Variants in WDR91 observed in about 807,000 individuals in gnomAD.
The protein encoded by WDR91 is WD repeat domain 91, also known as WD repeat-containing protein 91.
WDR91 carries 52 observed loss-of-function variants against 88.4 expected under a neutral mutation model. That is an observed-to-expected ratio of 0.59 (90% CI 0.47 to 0.74). The LOEUF is 0.74. WDR91 is among the 30% of genes least tolerant of loss of function. WDR91 has a pLI of 0.00. For synonymous variants in WDR91, 362 were observed against 389.5 expected (o/e 0.93, Z 0.83); for missense variants, 824 against 954.5 (o/e 0.86, Z 1.80).
intron 13 of WDR91, among the ~76,000 whole-genome samples, chr7:135,187,733 A>T (rs976319727): frequency 1.3e-5 from 2 of 152,236 alleles, no homozygotes; most frequent in African/African-American, 4.8e-5. Flanking sequence ...CCCTACGGAC[A>T]GGATACTTGG....
At chr7:135,204,073 A>G (rs753693762) in intron 6 of WDR91, among the ~76,000 whole-genome samples, 195 bp downstream of exon 6, 13 of 152,242 alleles carry the variant, frequency 8.5e-5, no homozygotes, top group Non-Finnish European at 1.5e-4. Flanking sequence ...CTGCAGAACC[A>G]TCACTTTCTG....
chr7:135,189,258 A>C, intron 12 of WDR91, 86 bp downstream of exon 12: 1 of 1,196,490 alleles, frequency 8.4e-7, no homozygotes, highest in Non-Finnish European at 1.2e-6. Flanking sequence ...CCTCTAGCCC[A>C]GCTGGCAAAA....
At position 135,211,493 on chromosome 7, in the gene WDR91, C is replaced by G. The variant is rs1410414714; in HGVS notation, c.10G>C (p.Ala4Pro). 1 of 1,611,208 alleles carries G rather than the reference C, an allele frequency of 6.2e-7. No homozygotes were observed. The highest frequency in any genetic ancestry group is 2.2e-5 in the East Asian group (1 of 44,724). Residue 4 changes from alanine (A) to proline (P), a missense_variant, in exon 1 of 15, where the codon GCC becomes CCC. Ala to Pro is a conservative substitution (Grantham distance 27). Coordinates refer to ENST00000354475, the MANE Select transcript of WDR91 (RefSeq NM_014149.4). ...ACCAGCTCGTCAGTGCGCTCCACGGCCTCCGCCATCGCAGCGCTAGCGTCT... is the reference window on the plus strand; with the variant it reads ...ACCAGCTCGTCAGTGCGCTCCACGGGCTCCGCCATCGCAGCGCTAGCGTCT... MAE[A>P]VERTDELVRE...
In WDR91 at chr7:135,196,257, C is replaced by G; in HGVS notation, c.1131G>C (p.Leu377=). 6.2e-7 allele frequency: 1 copy of G among 1,611,908 alleles called. No homozygotes were observed. The highest frequency in any genetic ancestry group is 8.5e-7 in the Non-Finnish European group (1 of 1,179,008). ...PELHTEPVEP[L]TRASSAGPEG... ...CAGGGCCTGCCGAGGATGCCCGAGT[C>G]AGTGGCTCCACTGGCTCCGTGTGGA... The change falls in exon 8 of 15, where the codon CTG becomes CTC. Residue 377 remains leucine (L), a synonymous_variant. Coordinates refer to ENST00000354475, the MANE Select transcript of WDR91 (RefSeq NM_014149.4). This position sits in a 1 kb window ranked among gnomAD's most constrained non-coding sequence, Gnocchi z 4.2.
At position 135,211,507 on chromosome 7, in the gene WDR91, G is replaced by A. The variant is rs202081394; in HGVS notation, c.-5C>T. ...GCGCTCCACGGCCTCCGCCATCGCA[G>A]CGCTAGCGTCTTTAGGGGTGGTGCG... On this transcript the variant is annotated 5_prime_UTR_variant, in exon 1 of 15. Transcript: ENST00000354475. 771 of 1,611,098 alleles carry A rather than the reference G, an allele frequency of 4.8e-4. 2 individuals are homozygous for A. The highest frequency in any genetic ancestry group is 6.3e-4 in the Non-Finnish European group (740 of 1,178,920).
Position 135,186,141 on chromosome 7 carries a change from G to C in WDR91, c.*10C>G, listed in dbSNP as rs1245495200. 1 of 1,580,712 alleles carries C rather than the reference G, an allele frequency of 6.3e-7. No individual in the cohort carries two copies. The highest frequency in any genetic ancestry group is 1.4e-5 in the African/African-American group (1 of 72,570). On this transcript the variant is annotated 3_prime_UTR_variant, in exon 15 of 15. Coordinates refer to ENST00000354475, the MANE Select transcript of WDR91 (RefSeq NM_014149.4). ...ATACTGCTTCCTCGGGTGGCCCTTG[G>C]GGCAAGTCATCAGGCTTTATGGGCC...
At position 135,209,655 on chromosome 7, in the gene WDR91, C is replaced by T. The variant is rs764983347; in HGVS notation, c.224G>A (p.Arg75His). 20 of 1,613,360 alleles carry T rather than the reference C, an allele frequency of 1.2e-5. No individual in the cohort carries two copies. The highest frequency in any genetic ancestry group is 3.3e-5 in the South Asian group (3 of 90,922). ...TGTGGGTCTGTATATATCCTCCAAG[C>T]GGCTGAAGAGCCGACGCTCCAAGTA... is the stretch of plus-strand genomic sequence containing the variant. ...WSYLERRLFSRLEDIYRPTIH... is the reference protein window; with the variant it reads ...WSYLERRLFSHLEDIYRPTIH... The change falls in exon 2 of 15, where the codon CGC becomes CAC. Residue 75 changes from arginine to histidine, a missense_variant. Transcript: ENST00000354475.
intron 14 of WDR91, 62 bp from the exon 15 acceptor site, chr7:135,186,377 A>G (rs1830943446): frequency 1.3e-6 from 2 of 1,545,568 alleles, no homozygotes; most frequent in Non-Finnish European, 1.7e-6. Context: ...CACTTGATCC[A>G]CTTTCAGTGG....
At chr7:135,200,957 C>T (rs1421351846) in intron 6 of WDR91, among the ~76,000 whole-genome samples, 1 of 152,158 alleles carries the variant, frequency 6.6e-6, no homozygotes, top group Non-Finnish European at 1.5e-5. Context: ...AACACGCCCT[C>T]ATAACACAGA....
At chr7:135,186,898 C>G (rs1830964269) in intron 14 of WDR91, 74 bp downstream of exon 14, 2 of 1,576,168 alleles carry the variant, frequency 1.3e-6, no homozygotes, top group Non-Finnish European at 1.7e-6. Flanking sequence ...GCTCAGTAGC[C>G]ATGGCCCAGA....
intron 5 of WDR91, among the ~76,000 whole-genome samples, chr7:135,205,337 C>T (rs559363823): frequency 1.3e-5 from 2 of 152,344 alleles, no homozygotes; most frequent in South Asian, 4.1e-4. Context: ...TTTATTTATC[C>T]TGACTACACA....
intron 6 of WDR91, among the ~76,000 whole-genome samples, chr7:135,202,783 G>A (rs1256007375): frequency 6.6e-6 from 1 of 152,072 alleles, no homozygotes; most frequent in Non-Finnish European, 1.5e-5. Context: ...CAACTTACTC[G>A]GCCACACTCC....
chr7:135,187,848 C>G (rs1040959054), intron 13 of WDR91, among the ~76,000 whole-genome samples: 20 of 152,152 alleles, frequency 1.3e-4, no homozygotes, highest in Non-Finnish European at 2.8e-4. Flanking sequence ...TTTGTAGTTA[C>G]TCCTTTCAAG....
In WDR91 at chr7:135,193,612, G is replaced by A; in HGVS notation, c.1456C>T (p.Leu486Phe). The A allele has an allele frequency of 6.2e-7, 1 of 1,614,204 alleles. No homozygotes were observed. Among genetic ancestry groups the A allele is most frequent in the Non-Finnish European group, 8.5e-7 (1 of 1,180,020 alleles). Residue 486 changes from leucine (L) to phenylalanine (F), a missense_variant, in exon 10 of 15, where the codon CTC becomes TTC. Transcript: ENST00000354475. ...RLYDTEAKKN[L>F]CEININDNMP... ...TTGTCGTTGATATTGATTTCACAGA[G>A]ATTCTTCTTGGCTTCCGTGTCATAG...
At chr7:135,202,020 A>G (rs986281206) in intron 6 of WDR91, 1 of 152,258 alleles carries the variant, frequency 6.6e-6, no homozygotes, top group Non-Finnish European at 1.5e-5. Context: ...AAGAGTGCTT[A>G]GCATGGAAAA....
At chr7:135,186,379 T>TGAAAG in intron 14 of WDR91, 64 bp from the exon 15 acceptor site, 1 of 1,539,438 alleles carries the variant, frequency 6.5e-7, no homozygotes, top group Non-Finnish European at 8.8e-7. Context: ...CTTGATCCAC[T>TGAAAG]TTCAGTGGCC....
At chr7:135,193,177 G>T (rs1831231930) in intron 11 of WDR91, 54 bp downstream of exon 11, 1 of 1,580,648 alleles carries the variant, frequency 6.3e-7, no homozygotes. Context: ...AGAAACCCAG[G>T]GGAATACAGA....
At chr7:135,186,416 C>T in intron 14 of WDR91, 101 bp from the exon 15 acceptor site, 1 of 1,218,086 alleles carries the variant, frequency 8.2e-7, no homozygotes. Flanking sequence ...TGAGGCCAGA[C>T]ACACATGCCC....
chr7:135,208,487 G>C (rs1041589818), intron 3 of WDR91, among the ~76,000 whole-genome samples: 1 of 152,142 alleles, frequency 6.6e-6, no homozygotes, highest in Non-Finnish European at 1.5e-5. Flanking sequence ...GTTTCTCCAA[G>C]CAGCAGCTGC....
Sources: allele counts gnomAD v4.1 joint callset (sites outside exome capture counted in the v4.1 genomes callset), GRCh38; gene constraint gnomAD v4.1.1; non-coding constraint Gnocchi (gnomAD v3.1); transcripts MANE v1.5; gene names NCBI Gene and HGNC (gene_info 2026-07-23, HGNC 2026-07-21).